DOCK7: variants seen among roughly 807,000 people sequenced by gnomAD.
The protein encoded by DOCK7 is dedicator of cytokinesis 7, also known as dedicator of cytokinesis protein 7.
DOCK7 carries 138 observed loss-of-function variants against 271.0 expected under a neutral mutation model. The ratio of observed to expected loss-of-function variants is 0.51; its 90% CI spans 0.44 to 0.59. The LOEUF (loss-of-function observed/expected upper bound fraction) is 0.59, where lower values mean the gene tolerates loss of function less well. Among genes scored for constraint, DOCK7 ranks in the 20% least tolerant of loss-of-function variants. The probability of loss-of-function intolerance (pLI) is 0.00; values close to 1 mark genes in which losing one functional copy is unlikely to be tolerated. For missense variants in DOCK7, 2,066 were observed against 2,592.4 expected (o/e 0.80, Z 4.41); for synonymous variants, 823 against 876.1 (o/e 0.94, Z 1.07).
chr1:62,499,503 G>A (rs886780478), intron 37 of DOCK7, among the ~76,000 whole-genome samples: 13 of 152,176 alleles, frequency 8.5e-5, no homozygotes, highest in Non-Finnish European at 1.8e-4. Flanking sequence ...ATAAGGCAAG[G>A]AAAGGAAAGC....
intron 4 of DOCK7, among the ~76,000 whole-genome samples, chr1:62,648,840 C>T (rs1027582453): frequency 6.6e-6 from 1 of 151,716 alleles, no homozygotes; most frequent in African/African-American, 2.4e-5. Context: ...AAAAAGAAAA[C>T]TTGGGAAGCC....
chr1:62,564,474 A>T (rs1477015080), intron 18 of DOCK7, among the ~76,000 whole-genome samples: 1 of 152,218 alleles, frequency 6.6e-6, no homozygotes, highest in Non-Finnish European at 1.5e-5. Flanking sequence ...AATGAAAGGA[A>T]GGCAGAAATA....
chr1:62,659,319 T>A (rs565789812), intron 2 of DOCK7, among the ~76,000 whole-genome samples: 1 of 152,254 alleles, frequency 6.6e-6, no homozygotes, highest in East Asian at 1.9e-4. Context: ...TTACTCAAAC[T>A]GGTAATATAT....
intron 10 of DOCK7, among the ~76,000 whole-genome samples, chr1:62,631,672 A>C (rs956043438): frequency 5.3e-5 from 8 of 152,190 alleles, no homozygotes; most frequent in African/African-American, 1.9e-4. Flanking sequence ...GTAAGTACCA[A>C]ACATGTATTA....
intron 12 of DOCK7, among the ~76,000 whole-genome samples, chr1:62,621,474 T>C (rs1653234123): frequency 6.6e-6 from 1 of 152,216 alleles, no homozygotes; most frequent in Non-Finnish European, 1.5e-5. Flanking sequence ...TTTCATATAT[T>C]GTTCTTTTAT....
chr1:62,681,861 A>G (rs1339326442), intron 1 of DOCK7, among the ~76,000 whole-genome samples: 2 of 152,220 alleles, frequency 1.3e-5, no homozygotes, highest in African/African-American at 4.8e-5. Context: ...AGCAAAGCAT[A>G]CACACAATAC....
At chr1:62,535,865 ATTTCT>A (rs1323485250) in intron 28 of DOCK7, among the ~76,000 whole-genome samples, 1 of 152,130 alleles carries the variant, frequency 6.6e-6, no homozygotes, top group African/African-American at 2.4e-5. Context: ...ATTATTTTAC[ATTTCT>A]TTTTTCACAT....
intron 31 of DOCK7, among the ~76,000 whole-genome samples, chr1:62,521,886 G>A (rs1644863324): frequency 6.6e-6 from 1 of 152,174 alleles, no homozygotes; most frequent in South Asian, 2.1e-4. Context: ...CAAGGCAGGA[G>A]AATGGCTTGA....
At chr1:62,463,092 C>T (rs1645577312) in intron 48 of DOCK7, among the ~76,000 whole-genome samples, 1 of 151,920 alleles carries the variant, frequency 6.6e-6, no homozygotes, top group African/African-American at 2.4e-5. Flanking sequence ...GCATTCAGAA[C>T]ACACAAATAC....
chr1:62,460,665 T>C (rs532447239), intron 48 of DOCK7, among the ~76,000 whole-genome samples: 2 of 148,426 alleles, frequency 1.3e-5, no homozygotes, highest in East Asian at 3.9e-4. Flanking sequence ...TCTTTTTTTC[T>C]TTTTTTTTTG....
intron 37 of DOCK7, 84 bp downstream of exon 37, chr1:62,504,546 C>T: frequency 7.2e-7 from 1 of 1,396,294 alleles, no homozygotes; most frequent in Non-Finnish European, 9.6e-7. Context: ...AAACTCCATG[C>T]TCTCCCAAAA....
chr1:62,600,178 C>T (rs1035012757), intron 14 of DOCK7, among the ~76,000 whole-genome samples: 1 of 151,558 alleles, frequency 6.6e-6, no homozygotes, highest in South Asian at 2.1e-4. Flanking sequence ...CAAAATGTTA[C>T]TATAGTAATA....
At chr1:62,562,977 G>A (rs1203083281) in intron 18 of DOCK7, among the ~76,000 whole-genome samples, 2 of 152,138 alleles carry the variant, frequency 1.3e-5, no homozygotes, top group Non-Finnish European at 2.9e-5. Context: ...CCCAACTCAT[G>A]CTACACACAT....
chr1:62,620,042 A>ACTGTGCCTGGCTATATTT, intron 12 of DOCK7, 49 bp from the exon 13 acceptor site: 1 of 1,474,934 alleles, frequency 6.8e-7, no homozygotes, highest in Non-Finnish European at 9.4e-7. Context: ...AAATATAGCC[A>ACTGTGCCTGGCTATATTT]GGCACAGTGG....
intron 27 of DOCK7, among the ~76,000 whole-genome samples, chr1:62,538,731 C>T (rs1281907555): frequency 6.6e-6 from 1 of 152,086 alleles, no homozygotes; most frequent in African/African-American, 2.4e-5. Context: ...ATTCAAAATT[C>T]TAAATATTAG....
In DOCK7 at chr1:62,651,733, T is replaced by C. The variant is rs188200616; in HGVS notation, c.389+1992A>G. Among the ~76,000 whole-genome samples the C allele has an allele frequency of 9.8e-5, 15 of 152,356 alleles. No homozygotes were observed. In the East Asian group the frequency reaches 2.9e-3, roughly 29 times the overall value. Reference sequence around the variant, plus strand: ...TTCTCATGTATGTAAGTGTATTCTTTACACTTACAGATCTTAATCTGTGTT... The same window carrying C: ...TTCTCATGTATGTAAGTGTATTCTTCACACTTACAGATCTTAATCTGTGTT... On this transcript the variant is annotated intron_variant, in intron 4 of 49. Coordinates refer to ENST00000635253, the MANE Select transcript of DOCK7 (RefSeq NM_001367561.1).
intron 29 of DOCK7, among the ~76,000 whole-genome samples, chr1:62,531,818 A>C (rs1645182738): frequency 6.6e-6 from 1 of 152,204 alleles, no homozygotes. Flanking sequence ...TTAATCCTTC[A>C]TTCATCAAAT....
At chr1:62,546,642 A>T (rs959818917) in intron 22 of DOCK7, among the ~76,000 whole-genome samples, 1 of 152,136 alleles carries the variant, frequency 6.6e-6, no homozygotes, top group Non-Finnish European at 1.5e-5. Context: ...ACTCTCAAAA[A>T]CAGCTTTATA....
intron 1 of DOCK7, 35 bp from the exon 2 acceptor site, chr1:62,663,165 G>GAA (rs377005796): frequency 4.2e-3 from 4,264 of 1,023,002 alleles, no homozygotes; most frequent in South Asian, 7.7e-3. Flanking sequence ...ACGCATTATT[G>GAA]AAAAAAAAAA....
Sources: allele counts gnomAD v4.1 joint callset (sites outside exome capture counted in the v4.1 genomes callset), GRCh38; gene constraint gnomAD v4.1.1; transcripts MANE v1.5; gene names NCBI Gene and HGNC (gene_info 2026-07-23, HGNC 2026-07-21).